ADAMTS2: variants seen among roughly 807,000 people sequenced by gnomAD.
ADAMTS2 encodes ADAM metallopeptidase with thrombospondin type 1 motif 2.
Under a neutral mutation model 123.0 loss-of-function variants are expected in ADAMTS2, and 50 were observed. The observed-to-expected ratio is 0.41, with a 90% CI of 0.32 to 0.51. The LOEUF (loss-of-function observed/expected upper bound fraction) is 0.51. Ranked by LOEUF, ADAMTS2 falls within the 20% of genes least tolerant of loss-of-function variation. ADAMTS2 has a pLI of 0.35. For synonymous variants in ADAMTS2, 678 were observed against 695.4 expected (o/e 0.98, Z 0.39); for missense variants, 1,494 against 1,705.2 (o/e 0.88, Z 2.18).
At chr5:179,268,081 G>C (rs1398458153) in intron 3 of ADAMTS2, among the ~76,000 whole-genome samples, 1 of 152,206 alleles carries the variant, frequency 6.6e-6, no homozygotes, top group Non-Finnish European at 1.5e-5. Flanking sequence ...TTTAACATCA[G>C]GAAAGTTCAC....
At chr5:179,330,566 G>A (rs985191217) in intron 2 of ADAMTS2, among the ~76,000 whole-genome samples, 1 of 152,238 alleles carries the variant, frequency 6.6e-6, no homozygotes, top group African/African-American at 2.4e-5. Flanking sequence ...TGACTGTGGA[G>A]GCAGACACCT....
Position 179,212,589 on chromosome 5 carries a change from C to T in ADAMTS2, c.689-4874G>A, listed in dbSNP as rs1479695707. Among the ~76,000 whole-genome samples the T allele has an allele frequency of 2.1e-5, 3 of 140,828 alleles. 1 individual carries two copies. Among genetic ancestry groups the T allele is most frequent in the Non-Finnish European group, 4.6e-5 (3 of 64,824 alleles). 92.4% of individuals were successfully genotyped at this position (140,828 alleles called of 152,430 possible). On this transcript the variant is annotated intron_variant, in intron 3 of 21. Coordinates refer to ENST00000251582, the MANE Select transcript of ADAMTS2 (RefSeq NM_014244.5). ...GGCAGGTGCAGTGGGCAGGCGTGGG[C>T]CCTGAGGGTGGGTTCAGTGGGCAGG... is the stretch of plus-strand genomic sequence containing the variant.
At position 179,140,368 on chromosome 5, in the gene ADAMTS2, C is replaced by T. The variant is rs374992421; in HGVS notation, c.1630-333G>A. 9.2e-5 allele frequency among the ~76,000 whole-genome samples: 14 copies of T among 152,320 alleles called. No individual in the cohort carries two copies. In the East Asian group the frequency reaches 2.3e-3, roughly 25 times the overall value. On this transcript the variant is annotated intron_variant, in intron 10 of 21. Coordinates refer to ENST00000251582, the MANE Select transcript of ADAMTS2 (RefSeq NM_014244.5). ...GCCTCCTGGGTGCCCACACACAGCCCATTTATAAAGATACCACTGGCCTAT... is the reference window on the plus strand; with the variant it reads ...GCCTCCTGGGTGCCCACACACAGCCTATTTATAAAGATACCACTGGCCTAT...
intron 2 of ADAMTS2, among the ~76,000 whole-genome samples, chr5:179,284,588 T>C (rs1207329789): frequency 2.0e-5 from 3 of 152,074 alleles, no homozygotes; most frequent in Non-Finnish European, 4.4e-5. Context: ...GGTTTCGCCA[T>C]GTTGGCCAGG....
intron 2 of ADAMTS2, among the ~76,000 whole-genome samples, chr5:179,336,091 G>C (rs533323562): frequency 4.6e-5 from 7 of 152,362 alleles, no homozygotes; most frequent in African/African-American, 1.2e-4. Context: ...GCACAGAGCT[G>C]GTGAAGGCTG....
In ADAMTS2 at chr5:179,128,423, G is replaced by A. The variant is rs575906791; in HGVS notation, c.2458-305C>T. The stretch of plus-strand genomic sequence containing the variant: ...TTGTTTGTTTTTGAGATGGAGTTTC[G>A]CTCTTGTAGCCCAGGCTGGAGTGTA... On this transcript the variant is annotated intron_variant, in intron 16 of 21. Transcript: ENST00000251582. The surrounding 1 kb of genome is among the most constrained non-coding windows in gnomAD (Gnocchi z 4.9). Among the ~76,000 whole-genome samples, 4 of 152,152 alleles carry A rather than the reference G, an allele frequency of 2.6e-5. No homozygotes were observed. The South Asian group carries it at 6.2e-4, about 24-fold the overall frequency.
intron 2 of ADAMTS2, among the ~76,000 whole-genome samples, chr5:179,292,674 G>A (rs2113546020): frequency 6.6e-6 from 1 of 152,230 alleles, no homozygotes; most frequent in Non-Finnish European, 1.5e-5. Context: ...AGGACTGTCA[G>A]GAAGGGGCCT....
intron 5 of ADAMTS2, among the ~76,000 whole-genome samples, chr5:179,167,123 C>T (rs145199992): frequency 4.6e-5 from 7 of 152,292 alleles, no homozygotes; most frequent in Non-Finnish European, 8.8e-5. Context: ...GCTTGGCACA[C>T]GACACCTCGC....
intron 2 of ADAMTS2, among the ~76,000 whole-genome samples, chr5:179,276,936 G>A (rs1766714008): frequency 6.6e-6 from 1 of 152,166 alleles, no homozygotes; most frequent in Admixed American, 6.5e-5. Flanking sequence ...GTACTCTCTG[G>A]CCGGAGTAAC....
At chr5:179,183,636 G>A (rs1561793416) in intron 4 of ADAMTS2, among the ~76,000 whole-genome samples, 1 of 152,226 alleles carries the variant, frequency 6.6e-6, no homozygotes, top group Non-Finnish European at 1.5e-5. Context: ...AGAGACACAT[G>A]GGCAAGATAG....
In ADAMTS2 at chr5:179,132,247, G is replaced by A. The variant is rs2113204911; in HGVS notation, c.2273C>T (p.Ala758Val). The change falls in exon 15 of 22, where the codon GCC (alanine) becomes GTC (valine). Residue 758 changes from alanine to valine, a missense_variant. By Grantham distance (64) the Ala-to-Val change is moderately conservative. This residue lies in a region of ADAMTS2 where 953 missense variants were observed against 1,124.7 expected (regional missense o/e 0.85). Coordinates refer to ENST00000251582, the MANE Select transcript of ADAMTS2 (RefSeq NM_014244.5). This position sits in a 1 kb window ranked among gnomAD's most constrained non-coding sequence, Gnocchi z 6.1. ...AGACTCACCCAGATGGTGGCTGGTG[G>A]CGTCTACCTCCTGAATGAGCAGGTG... The part of the protein sequence containing the change: ...ARHLLIQEVD[A>V]TSHHLAVKNL... 6.2e-7 allele frequency: 1 copy of A among 1,614,116 alleles called. No individual in the cohort carries two copies. The highest frequency in any genetic ancestry group is 1.3e-5 in the African/African-American group (1 of 75,038).
Position 179,308,399 on chromosome 5 carries a change from G to A in ADAMTS2, c.535-35335C>T, listed in dbSNP as rs1342448857. Among the ~76,000 whole-genome samples the A allele has an allele frequency of 3.9e-5, 6 of 152,142 alleles. No individual in the cohort carries two copies. Among genetic ancestry groups the A allele is most frequent in the East Asian group, 3.9e-4 (2 of 5,188 alleles). ...AATGCCAGCTGGAAAGGTCACGCACGCCAGCTGGAAGGGGAGCCGCGCAGC... is the reference window on the plus strand; with the variant it reads ...AATGCCAGCTGGAAAGGTCACGCACACCAGCTGGAAGGGGAGCCGCGCAGC... On this transcript the variant is annotated intron_variant, in intron 2 of 21. Transcript: ENST00000251582. This position sits in a 1 kb window ranked among gnomAD's most constrained non-coding sequence, Gnocchi z 6.6.
At chr5:179,299,339 C>T (rs1225465499) in intron 2 of ADAMTS2, among the ~76,000 whole-genome samples, 1 of 45,590 alleles carries the variant, frequency 2.2e-5, no homozygotes, top group African/African-American at 7.4e-5. Context: ...ACCATCCTGG[C>T]TAACACGGTG....
At position 179,256,229 on chromosome 5, in the gene ADAMTS2, G is replaced by A. The variant is rs1393809867; in HGVS notation, c.688+16682C>T. Among the ~76,000 whole-genome samples, 1 of 152,178 alleles carries A rather than the reference G, an allele frequency of 6.6e-6. No individual in the cohort carries two copies. The highest frequency in any genetic ancestry group is 2.4e-5 in the African/African-American group (1 of 41,438). On this transcript the variant is annotated intron_variant, in intron 3 of 21. Transcript: ENST00000251582. The surrounding 1 kb of genome is among the most constrained non-coding windows in gnomAD (Gnocchi z 4.1). Reference sequence around the variant, plus strand: ...AGCTCAGCCCACAGAACAGTAAGCCGCCAGGTCCCAAGTTGTCATCTTGTG... The same window carrying A: ...AGCTCAGCCCACAGAACAGTAAGCCACCAGGTCCCAAGTTGTCATCTTGTG...
intron 3 of ADAMTS2, among the ~76,000 whole-genome samples, chr5:179,215,991 A>G (rs1036701584): frequency 2.0e-5 from 3 of 152,244 alleles, no homozygotes; most frequent in African/African-American, 7.2e-5. Context: ...TCAGTTCTCA[A>G]AAGATTTATG....
At chr5:179,226,224 TTTCC>T (rs200700031) in intron 3 of ADAMTS2, among the ~76,000 whole-genome samples, 1,815 of 149,188 alleles carry the variant, frequency 0.012, 21 homozygotes, top group Middle Eastern at 0.024. Context: ...CCCTTCCTTC[TTTCC>T]TTCCTTCCTT....
In ADAMTS2 at chr5:179,256,522, G is replaced by A. The variant is rs1194301445; in HGVS notation, c.688+16389C>T. Among the ~76,000 whole-genome samples, 1 of 133,174 alleles carries A rather than the reference G, an allele frequency of 7.5e-6. No homozygotes were observed. The highest frequency in any genetic ancestry group is 2.4e-5 in the African/African-American group (1 of 40,958). The allele number at this position is 133,174 out of a possible 152,430, so 87.4% of individuals were successfully genotyped here. ...TGACCATGGGTGTGTGCATGCCTGC[G>A]TGTGTGTGAGAGAGAGAGAGGAGAG... On this transcript the variant is annotated intron_variant, in intron 3 of 21. Transcript: ENST00000251582. This position sits in a 1 kb window ranked among gnomAD's most constrained non-coding sequence, Gnocchi z 4.1.
At position 179,271,701 on chromosome 5, in the gene ADAMTS2, G is replaced by A. The variant is rs556656104; in HGVS notation, c.688+1210C>T. Among the ~76,000 whole-genome samples, 32 of 152,374 alleles carry A rather than the reference G, an allele frequency of 2.1e-4. No homozygotes were observed. The South Asian group carries it at 5.6e-3, about 27-fold the overall frequency. ...TGTCACCAAGGAACAAGGGGCCACC[G>A]GTTGCACTGATTGGCTCCAGAGTAC... On this transcript the variant is annotated intron_variant, in intron 3 of 21. Coordinates refer to ENST00000251582, the MANE Select transcript of ADAMTS2 (RefSeq NM_014244.5).
chr5:179,172,224 T>C (rs181312855), intron 5 of ADAMTS2, among the ~76,000 whole-genome samples: 12 of 152,362 alleles, frequency 7.9e-5, no homozygotes, highest in Admixed American at 4.6e-4. Flanking sequence ...TTGCTGGCTA[T>C]GGATCTCAGC....
Sources: allele counts gnomAD v4.1 joint callset (sites outside exome capture counted in the v4.1 genomes callset), GRCh38; gene constraint gnomAD v4.1.1; regional missense constraint gnomAD v4.1.1; non-coding constraint Gnocchi (gnomAD v3.1); transcripts MANE v1.5; gene names NCBI Gene and HGNC (gene_info 2026-07-23, HGNC 2026-07-21).